The following ATP10B variants were observed in gnomAD, a reference collection of about 807,000 sequenced individuals.
ATP10B encodes phospholipid-transporting ATPase VB.
ATP10B carries 122 observed loss-of-function variants against 141.2 expected under a neutral mutation model. The ratio of observed to expected loss-of-function variants is 0.86; its 90% confidence interval spans 0.75 to 1.00. ATP10B has a LOEUF of 1.00. ATP10B is among the 50% of genes least tolerant of loss of function. The pLI, the probability that ATP10B is intolerant of heterozygous loss-of-function variation, is 0.00. For missense variants in ATP10B, 1,876 were observed against 1,825.3 expected, an observed-to-expected ratio of 1.03 and a Z score of -0.51; for synonymous variants, 685 against 692.0, an observed-to-expected ratio of 0.99 and a Z score of 0.16.
chr5:160,629,502 C>G (rs1354285294), intron 13 of ATP10B, among the ~76,000 whole-genome samples: 1 of 152,176 alleles, frequency 6.6e-6, no homozygotes, highest in East Asian at 1.9e-4. Flanking sequence ...GTGCTCAGGA[C>G]TCACACAAGA....
chr5:160,648,964 C>T (rs1485591388), intron 8 of ATP10B, among the ~76,000 whole-genome samples: 1 of 139,952 alleles, frequency 7.1e-6, no homozygotes, highest in East Asian at 2.1e-4. Flanking sequence ...GTGAATTTAA[C>T]CCTGCAACAT....
intron 2 of ATP10B, among the ~76,000 whole-genome samples, chr5:160,754,822 G>T: frequency 6.6e-6 from 1 of 152,178 alleles, no homozygotes; most frequent in East Asian, 1.9e-4. Context: ...AGACACAGAT[G>T]CCACAGCCCT....
At chr5:160,904,005 C>G in the ATP10B span, among the ~76,000 whole-genome samples, 1 of 152,134 alleles carries the variant, frequency 6.6e-6, no homozygotes, top group Non-Finnish European at 1.5e-5. Flanking sequence ...GGCTTGAGTA[C>G]TGATGGCGTC....
intron 22 of ATP10B, among the ~76,000 whole-genome samples, chr5:160,596,821 G>C (rs962956840): frequency 2.0e-5 from 3 of 152,118 alleles, no homozygotes; most frequent in African/African-American, 7.2e-5. Context: ...AAATACCTAG[G>C]AATCCAACTT....
intron 2 of ATP10B, among the ~76,000 whole-genome samples, chr5:160,778,067 G>T (rs1331520514): frequency 6.6e-6 from 1 of 152,310 alleles, no homozygotes; most frequent in East Asian, 1.9e-4. Flanking sequence ...CTTTAGGGGA[G>T]AAAAGTAGAG....
intron 1 of ATP10B, among the ~76,000 whole-genome samples, chr5:160,847,493 T>C (rs1166710068): frequency 6.6e-6 from 1 of 152,204 alleles, no homozygotes; most frequent in African/African-American, 2.4e-5. Context: ...AACTGTCCCC[T>C]GGATTACTGA....
chr5:160,674,963 CTACTT>C lies in ATP10B; in HGVS notation c.471-4301_471-4297del, dbSNP rs543019222. ...CCACTTTATGCTGATTCTCTAGCAT[CTACTT>C]TGTCTCCTCCACTGTCAGGACCATA... On this transcript the variant is annotated intron_variant, in intron 6 of 25. Coordinates refer to ENST00000327245, the MANE Select transcript of ATP10B (RefSeq NM_025153.3). Among the ~76,000 whole-genome samples the C allele has an allele frequency of 2.3e-3, 350 of 152,278 alleles. 1 individual carries two copies. Among genetic ancestry groups the C allele is most frequent in the African/African-American group, 8.0e-3 (334 of 41,546 alleles).
chr5:160,600,373 G>A (rs959565086), intron 21 of ATP10B, among the ~76,000 whole-genome samples: 2 of 151,988 alleles, frequency 1.3e-5, no homozygotes, highest in Non-Finnish European at 2.9e-5. Flanking sequence ...TCCTATCTTT[G>A]GCTTATACGA....
chr5:160,732,661 C>G (rs1314257084), intron 2 of ATP10B, among the ~76,000 whole-genome samples: 2 of 152,066 alleles, frequency 1.3e-5, no homozygotes, highest in Non-Finnish European at 2.9e-5. Flanking sequence ...GTCTATGTGG[C>G]TGTTTTTATA....
intron 6 of ATP10B, among the ~76,000 whole-genome samples, chr5:160,673,347 G>A (rs11738717): frequency 1.2e-4 from 18 of 151,694 alleles, no homozygotes; most frequent in African/African-American, 3.9e-4. Context: ...TTTCGTACAG[G>A]CATGCAATGT....
rs568284123 is a variant in ATP10B at position 160,589,612 on chromosome 5, C to T, written c.3730G>A (p.Ala1244Thr). The part of the protein sequence containing the change: ...ISLTTILLHQ[A>T]MEMKTWTIFH... The stretch of plus-strand genomic sequence containing the variant: ...CTTACCCATGTCTTCATTTCCATTG[C>T]CTGGTGCAAAAGGATTGTGGTGAGG... The change falls in exon 24 of 26, where the codon GCA becomes ACA. Residue 1244 changes from alanine to threonine, a missense_variant. By Grantham distance (58) the Ala-to-Thr change is moderately conservative. Transcript: ENST00000327245. 21 of 1,613,938 alleles carry T rather than the reference C, an allele frequency of 1.3e-5. No individual in the cohort carries two copies. The South Asian group carries it at 2.0e-4, about 15-fold the overall frequency.
chr5:160,731,804 A>C (rs750361992), intron 2 of ATP10B, among the ~76,000 whole-genome samples: 1 of 152,244 alleles, frequency 6.6e-6, no homozygotes, highest in Admixed American at 6.5e-5. Flanking sequence ...ACGAGGCTCA[A>C]AGATGAACTA....
Position 160,636,172 on chromosome 5 carries a change from G to C in ATP10B, c.1128+10C>G. 2 of 1,589,086 alleles carry C rather than the reference G, an allele frequency of 1.3e-6. No individual in the cohort carries two copies. ...TCTTATTGGGCCCCTAGTTAGGGAGGGCTTCCTACCTGGAGCAGGATGATC... is the reference window on the plus strand; with the variant it reads ...TCTTATTGGGCCCCTAGTTAGGGAGCGCTTCCTACCTGGAGCAGGATGATC... On this transcript the variant is annotated intron_variant, in intron 11 of 25. Transcript: ENST00000327245.
Position 160,836,424 on chromosome 5 carries a change from T to C in ATP10B, c.-576+15517A>G, listed in dbSNP as rs977801633. ...TTTGTGTAATGTCTGCTTATCAATA[T>C]GCTAGTTATTGCAGAGGACTAAATG... On this transcript the variant is annotated intron_variant, in intron 1 of 25. Transcript: ENST00000327245. 2.6e-5 allele frequency among the ~76,000 whole-genome samples: 4 copies of C among 152,150 alleles called. 1 individual carries two copies. Among genetic ancestry groups the C allele is most frequent in the African/African-American group, 9.7e-5 (4 of 41,442 alleles).
intron 1 of ATP10B, among the ~76,000 whole-genome samples, chr5:160,851,467 G>A (rs1018917474): frequency 3.3e-5 from 5 of 152,080 alleles, no homozygotes; most frequent in African/African-American, 1.2e-4. Flanking sequence ...GGAAAGTCAA[G>A]CTTCCCACCT....
At chr5:160,657,045 A>C (rs2127707053) in intron 7 of ATP10B, among the ~76,000 whole-genome samples, 1 of 152,338 alleles carries the variant, frequency 6.6e-6, no homozygotes, top group Admixed American at 6.5e-5. Context: ...AAATGGCGGC[A>C]CTGACCGTCC....
chr5:160,649,484 G>T (rs1209517107), intron 7 of ATP10B, among the ~76,000 whole-genome samples: 1 of 152,206 alleles, frequency 6.6e-6, no homozygotes, highest in African/African-American at 2.4e-5. Context: ...TGATTACCCT[G>T]ATTGCATTTC....
At chr5:160,638,802 C>T (rs962897657) in intron 10 of ATP10B, among the ~76,000 whole-genome samples, 2 of 152,188 alleles carry the variant, frequency 1.3e-5, no homozygotes, top group African/African-American at 4.8e-5. Context: ...ATGAGTTTTT[C>T]TCTTGATTGT....
intron 10 of ATP10B, among the ~76,000 whole-genome samples, chr5:160,640,220 G>C (rs1345032309): frequency 1.3e-5 from 2 of 152,194 alleles, no homozygotes; most frequent in East Asian, 1.9e-4. Context: ...TGCTACGAGA[G>C]TGCCTGTGTT....
Sources: allele counts gnomAD v4.1 joint callset (sites outside exome capture counted in the v4.1 genomes callset), GRCh38; gene constraint gnomAD v4.1.1; transcripts MANE v1.5; gene names NCBI Gene and HGNC (gene_info 2026-07-23, HGNC 2026-07-21).